Variants in PKP1 observed in about 807,000 individuals in gnomAD.
PKP1 encodes plakophilin 1.
In PKP1, 27 loss-of-function variants were observed where a neutral mutation model predicts 76.4. The ratio of observed to expected loss-of-function variants is 0.35; its 90% confidence interval spans 0.26 to 0.49. The LOEUF is 0.49. Ranked by LOEUF, PKP1 falls within the 20% of genes least tolerant of loss-of-function variation. The pLI, the probability that PKP1 is intolerant of heterozygous loss-of-function variation, is 0.99. For synonymous variants in PKP1, 404 were observed against 384.2 expected, an observed-to-expected ratio of 1.05 and a Z score of -0.60; for missense variants, 964 against 955.2, an observed-to-expected ratio of 1.01 and a Z score of -0.12.
rs1347197072 is a variant in PKP1, at chr1:201,320,333, C to A, written c.1299C>A (p.Leu433=). Residue 433 remains leucine, a synonymous_variant, in exon 7 of 14, where the codon CTC becomes CTA. Transcript: ENST00000367324. ...MRNYSGLIDS[L]MAYVQNCVAA... is the part of the protein sequence containing the mutation. ...ACTACTCAGGGCTCATTGATTCCCT[C>A]ATGGCCTATGTCCAGAACTGTGTAG... The A allele has an allele frequency of 6.2e-7, 1 of 1,614,160 alleles. No homozygotes were observed. Among genetic ancestry groups the A allele is most frequent in the Admixed American group, 1.7e-5 (1 of 60,032 alleles).
chr1:201,299,924 G>A (rs995666259), intron 2 of PKP1, among the ~76,000 whole-genome samples: 3 of 152,196 alleles, frequency 2.0e-5, no homozygotes, highest in Non-Finnish European at 4.4e-5. Flanking sequence ...CGGGCCTCTC[G>A]TCTTTTCTTG....
intron 5 of PKP1, 106 bp from the exon 6 acceptor site, chr1:201,318,512 C>A: frequency 1.0e-6 from 1 of 963,828 alleles, no homozygotes; most frequent in Non-Finnish European, 1.7e-6. Flanking sequence ...TGGAAAGCGA[C>A]ATTTCAGTAG....
intron 1 of PKP1, among the ~76,000 whole-genome samples, chr1:201,292,709 A>T (rs1290701767): frequency 1.3e-5 from 2 of 152,168 alleles, no homozygotes; most frequent in Non-Finnish European, 1.5e-5. Context: ...TTCCCCACAG[A>T]CAGGGTTTCC....
At chr1:201,324,369 G>C in intron 9 of PKP1, 59 bp from the exon 10 acceptor site, 2 of 1,554,132 alleles carry the variant, frequency 1.3e-6, no homozygotes, top group Non-Finnish European at 1.8e-6. Flanking sequence ...GCCCCTTTCT[G>C]CCTGCCATGG....
Position 201,313,317 on chromosome 1 carries a change from G to C in PKP1, c.458G>C (p.Ser153Thr). 6.3e-7 allele frequency: 1 copy of C among 1,594,664 alleles called. No homozygotes were observed. Among genetic ancestry groups the C allele is most frequent in the Non-Finnish European group, 8.5e-7 (1 of 1,170,712 alleles). The change falls in exon 3 of 14, where the codon AGC (serine) becomes ACC (threonine). Residue 153 changes from serine to threonine, a missense_variant. Ser to Thr is a moderately conservative substitution (Grantham distance 58). Transcript: ENST00000367324. Reference sequence around the variant, plus strand: ...TGCTTCATGCAGAAAATCAAGGCGAGCCGCAGTGAGCCCGACCTCTACTGT... The same window carrying C: ...TGCTTCATGCAGAAAATCAAGGCGACCCGCAGTGAGCCCGACCTCTACTGT... ...DICFMQKIKASRSEPDLYCDP... is the reference protein window; with the variant it reads ...DICFMQKIKATRSEPDLYCDP...
At chr1:201,309,800 C>A (rs556980454) in intron 2 of PKP1, among the ~76,000 whole-genome samples, 1 of 152,298 alleles carries the variant, frequency 6.6e-6, no homozygotes, top group African/African-American at 2.4e-5. Flanking sequence ...GCATTACTAG[C>A]ATTTAGAACC....
intron 11 of PKP1, 129 bp downstream of exon 11, chr1:201,325,256 G>A: frequency 2.1e-6 from 2 of 950,696 alleles, no homozygotes; most frequent in Non-Finnish European, 3.3e-6. Flanking sequence ...GCCAGGGACG[G>A]GGGAGGCTTG....
intron 3 of PKP1, among the ~76,000 whole-genome samples, chr1:201,314,548 CA>C (rs1166676382): frequency 6.6e-6 from 1 of 152,208 alleles, no homozygotes; most frequent in Non-Finnish European, 1.5e-5. Context: ...GAACAGAGCA[CA>C]ACTCCTGTGC....
At position 201,316,632 on chromosome 1, in the gene PKP1, T is replaced by C. The variant is rs528045800; in HGVS notation, c.781T>C (p.Tyr261His). 1 of 1,613,608 alleles carries C rather than the reference T, an allele frequency of 6.2e-7. No homozygotes were observed. The highest frequency in any genetic ancestry group is 1.3e-5 in the African/African-American group (1 of 75,054). Residue 261 changes from tyrosine (Y) to histidine (H), a missense_variant, in exon 4 of 14, where the codon TAC becomes CAC. Physicochemically the swap from Tyr to His is moderately conservative, Grantham distance 83. Coordinates refer to ENST00000367324, the MANE Select transcript of PKP1 (RefSeq NM_001005337.3). The part of the protein sequence containing the change: ...VQYLSSQDEK[Y>H]QAIGAYYIQH... The stretch of plus-strand genomic sequence containing the variant: ...GTACCTGAGCTCCCAGGATGAGAAG[T>C]ACCAGGCCATTGGGGCCTATTACAT...
intron 1 of PKP1, among the ~76,000 whole-genome samples, chr1:201,284,911 G>A (rs1179128483): frequency 6.6e-6 from 1 of 152,140 alleles, no homozygotes; most frequent in Non-Finnish European, 1.5e-5. Flanking sequence ...CTGGGAGAAA[G>A]GGGCAGCACC....
intron 3 of PKP1, among the ~76,000 whole-genome samples, chr1:201,315,133 G>A (rs1656686416): frequency 6.6e-6 from 1 of 152,222 alleles, no homozygotes; most frequent in Non-Finnish European, 1.5e-5. Flanking sequence ...CTCTGTCTTG[G>A]AGGCTGATCA....
Position 201,331,089 on chromosome 1 carries a change from G to A in PKP1, c.*1048G>A, listed in dbSNP as rs760268759. On this transcript the variant is annotated 3_prime_UTR_variant, in exon 14 of 14. Transcript: ENST00000367324. ...GGGCATATACCTATTCCGGCTTCTA[G>A]TGGGATGGAGTTGGGGTATAGAAAT... 1 of 152,258 alleles carries A rather than the reference G, an allele frequency of 6.6e-6. No individual in the cohort carries two copies. Among genetic ancestry groups the A allele is most frequent in the Non-Finnish European group, 1.5e-5 (1 of 68,056 alleles). The allele number at this position is 152,258 out of a possible 1,614,324, so 9.4% of individuals were successfully genotyped here.
chr1:201,307,812 C>T (rs1222675730), intron 2 of PKP1, among the ~76,000 whole-genome samples: 2 of 152,352 alleles, frequency 1.3e-5, no homozygotes, highest in East Asian at 3.9e-4. Flanking sequence ...CAAGCCCTCA[C>T]CAGGCCTGAG....
intron 12 of PKP1, among the ~76,000 whole-genome samples, chr1:201,326,206 C>T (rs551023721): frequency 3.9e-5 from 6 of 152,322 alleles, no homozygotes; most frequent in East Asian, 3.9e-4. Context: ...GGTTACAAAA[C>T]CCTTCTAATG....
At chr1:201,329,128 G>T (rs1657235418) in intron 13 of PKP1, among the ~76,000 whole-genome samples, 1 of 152,156 alleles carries the variant, frequency 6.6e-6, no homozygotes, top group Admixed American at 6.5e-5. Context: ...ACAAATGTGT[G>T]GGTTGTACAC....
At chr1:201,293,292 C>T (rs1655980921) in intron 1 of PKP1, among the ~76,000 whole-genome samples, 1 of 152,162 alleles carries the variant, frequency 6.6e-6, no homozygotes, top group African/African-American at 2.4e-5. Flanking sequence ...CACTAATAAC[C>T]CTAATGACAC....
At chr1:201,318,905 G>T in intron 6 of PKP1, 110 bp downstream of exon 6, 1 of 915,556 alleles carries the variant, frequency 1.1e-6, no homozygotes, top group Non-Finnish European at 1.8e-6. Context: ...CAGACAACCC[G>T]GCACTCCCTC....
In PKP1 at chr1:201,322,000, T is replaced by A. The variant is rs1256681630; in HGVS notation, c.1370T>A (p.Val457Asp). The A allele has an allele frequency of 6.2e-7, 1 of 1,614,102 alleles. No homozygotes were observed. ...DDKSVENCMCVLHNLSYRLDA... is the reference protein window; with the variant it reads ...DDKSVENCMCDLHNLSYRLDA... ...CAGTCTGTGGAAAACTGCATGTGTG[T>A]TCTGCACAACCTCTCCTACCGCCTG... The change falls in exon 8 of 14, where the codon GTT becomes GAT. Residue 457 changes from valine to aspartate, a missense_variant. Physicochemically the swap from Val to Asp is radical, Grantham distance 152. Coordinates refer to ENST00000367324, the MANE Select transcript of PKP1 (RefSeq NM_001005337.3).
chr1:201,321,257 A>G (rs566895093), intron 7 of PKP1, among the ~76,000 whole-genome samples: 6 of 152,298 alleles, frequency 3.9e-5, no homozygotes, highest in African/African-American at 1.4e-4. Flanking sequence ...TGTGTGCAAT[A>G]TCTCCAACAC....
Sources: gnomAD v4.1 joint callset for allele counts (sites outside exome capture counted in the v4.1 genomes callset) on GRCh38, gnomAD v4.1.1 for gene constraint, MANE v1.5 for transcripts, NCBI Gene and HGNC (gene_info 2026-07-23, HGNC 2026-07-21) for gene names.